Variants in CBR4 observed in about 807,000 individuals in gnomAD.
CBR4 encodes the protein carbonyl reductase 4, also known as 3-oxoacyl-[acyl-carrier-protein] reductase.
Under a neutral mutation model 21.0 loss-of-function variants are expected in CBR4, and 22 were observed. That is an observed-to-expected ratio of 1.05 (90% CI 0.75 to 1.50). The LOEUF (loss-of-function observed/expected upper bound fraction) is 1.50, where lower values mean the gene tolerates loss of function less well. CBR4 is among the 40% of genes most tolerant of loss of function. CBR4 has a pLI of 0.00. For missense variants in CBR4, 302 were observed against 286.3 expected (o/e 1.05, Z -0.40); for synonymous variants, 100 against 104.4 (o/e 0.96, Z 0.26).
At chr4:168,896,083 G>A (rs137857123) in intron 2 of CBR4, among the ~76,000 whole-genome samples, 276 of 152,078 alleles carry the variant, frequency 1.8e-3, no homozygotes, top group African/African-American at 5.7e-3. Context: ...GGTGGCGTGC[G>A]CCTGTAGTCC....
At chr4:168,912,468 T>C (rs1478232722) in intron 2 of CBR4, among the ~76,000 whole-genome samples, 1 of 152,152 alleles carries the variant, frequency 6.6e-6, no homozygotes. Flanking sequence ...AAAAAACAAA[T>C]TAAGAGAAAG....
At chr4:168,979,566 G>T (rs535898115) in intron 2 of CBR4, among the ~76,000 whole-genome samples, 1 of 152,070 alleles carries the variant, frequency 6.6e-6, no homozygotes, top group South Asian at 2.1e-4. Flanking sequence ...GGCTTCAGCG[G>T]TACGGCCCTA....
At position 168,975,591 on chromosome 4, in the gene CBR4, C is replaced by T. The variant is rs1228510284; in HGVS notation, n.169+26480G>A. Among the ~76,000 whole-genome samples, 8 of 152,092 alleles carry T rather than the reference C, an allele frequency of 5.3e-5. No homozygotes were observed. In the East Asian group the frequency reaches 1.5e-3, roughly 29 times the overall value. ...AGTAGAAGGGAGATATAATTTTGCC[C>T]TACTTTGGCCAGGATGAGTACTCAG... On this transcript the variant is annotated intron_variant and non_coding_transcript_variant, in intron 2 of 3. Coordinates refer to the CBR4 transcript ENST00000509108.
At chr4:168,987,198 G>A (rs1764719964), downstream of CBR4, among the ~76,000 whole-genome samples, 1 of 152,134 alleles carries the variant, frequency 6.6e-6, no homozygotes, top group South Asian at 2.1e-4. Context: ...GAAAATAGTC[G>A]ATTCACTTTG....
At chr4:168,945,814 G>A (rs1006469407) in intron 2 of CBR4, among the ~76,000 whole-genome samples, 1 of 152,112 alleles carries the variant, frequency 6.6e-6, no homozygotes, top group South Asian at 2.1e-4. Context: ...AGACAATTTT[G>A]TGTTTATTTT....
chr4:168,979,018 A>C, intron 2 of CBR4, among the ~76,000 whole-genome samples: 1 of 152,048 alleles, frequency 6.6e-6, no homozygotes, highest in East Asian at 1.9e-4. Context: ...AGGAGGGAGC[A>C]AAGAGGTTAG....
chr4:168,930,199 C>A (rs1762932499), intron 2 of CBR4, among the ~76,000 whole-genome samples: 1 of 151,986 alleles, frequency 6.6e-6, no homozygotes, highest in South Asian at 2.1e-4. Context: ...TTGATAATTA[C>A]TTAAAAATAA....
rs1764739744 is a variant in CBR4 at position 168,987,772 on chromosome 4, C to T, written c.*2378G>A. The T allele has an allele frequency of 3.2e-5, 32 of 984,636 alleles. No individual in the cohort carries two copies. The highest frequency in any genetic ancestry group is 4.7e-5 in the South Asian group (1 of 21,280). 61.0% of individuals were successfully genotyped at this position (984,636 alleles called of 1,614,324 possible). On this transcript the variant is annotated 3_prime_UTR_variant, in exon 5 of 5. Coordinates refer to ENST00000306193, the MANE Select transcript of CBR4 (RefSeq NM_032783.5). ...CTCTTTATTCTGAATAACAGAAGCA[C>T]GTAAATTAAATTATCCTCTTTGCAC...
At chr4:168,901,604 T>G (rs1164569804) in intron 2 of CBR4, among the ~76,000 whole-genome samples, 1 of 152,218 alleles carries the variant, frequency 6.6e-6, no homozygotes, top group African/African-American at 2.4e-5. Context: ...ACACCTGGAA[T>G]CCCAGCACTT....
At chr4:168,895,275 GGGAA>G (rs1754867352) in intron 2 of CBR4, among the ~76,000 whole-genome samples, 2 of 152,154 alleles carry the variant, frequency 1.3e-5, no homozygotes, top group Admixed American at 6.5e-5. Flanking sequence ...CCAGCTACTC[GGGAA>G]GCTGAGGCAG....
chr4:168,932,659 A>C (rs1763002246), intron 2 of CBR4, among the ~76,000 whole-genome samples: 1 of 152,196 alleles, frequency 6.6e-6, no homozygotes, highest in Non-Finnish European at 1.5e-5. Context: ...AAATACAAAG[A>C]AAGAATTCTA....
At chr4:168,933,268 C>T (rs140087112) in intron 2 of CBR4, among the ~76,000 whole-genome samples, 2 of 152,040 alleles carry the variant, frequency 1.3e-5, no homozygotes, top group Admixed American at 6.6e-5. Flanking sequence ...CAAATAAAAA[C>T]TCACCTCACC....
chr4:168,914,232 C>T (rs776027894), intron 2 of CBR4, among the ~76,000 whole-genome samples: 4 of 152,100 alleles, frequency 2.6e-5, no homozygotes, highest in African/African-American at 9.7e-5. Flanking sequence ...GTGTGCTAAG[C>T]CCATTCACAT....
intron 2 of CBR4, among the ~76,000 whole-genome samples, chr4:168,910,404 T>G (rs1341218987): frequency 6.6e-6 from 1 of 152,094 alleles, no homozygotes; most frequent in Non-Finnish European, 1.5e-5. Flanking sequence ...TTAAAAAGGT[T>G]AATCTGCTTC....
chr4:168,939,054 T>C (rs1044966427), intron 2 of CBR4, among the ~76,000 whole-genome samples: 11 of 152,096 alleles, frequency 7.2e-5, no homozygotes, highest in African/African-American at 2.4e-4. Flanking sequence ...CTCAATAAAA[T>C]ACTGGCAGAC....
At chr4:168,935,000 G>A (rs1429006480) in intron 2 of CBR4, among the ~76,000 whole-genome samples, 1 of 152,192 alleles carries the variant, frequency 6.6e-6, no homozygotes, top group Non-Finnish European at 1.5e-5. Flanking sequence ...GGCCAAATGG[G>A]AACAGCTCCG....
At chr4:168,914,565 T>C (rs1759709326) in intron 2 of CBR4, among the ~76,000 whole-genome samples, 1 of 152,178 alleles carries the variant, frequency 6.6e-6, no homozygotes, top group Admixed American at 6.5e-5. Context: ...CCATTCCTAG[T>C]AGTTCTGAGT....
intron 2 of CBR4, among the ~76,000 whole-genome samples, chr4:168,937,538 C>T (rs1763146354): frequency 6.6e-6 from 1 of 151,842 alleles, no homozygotes; most frequent in East Asian, 1.9e-4. Flanking sequence ...AGAATCAAGA[C>T]CCATCGGTGT....
intron 2 of CBR4, among the ~76,000 whole-genome samples, chr4:168,916,491 A>ACTTTAAATCT (rs11280960): frequency 0.53 from 80,186 of 151,396 alleles, 24,749 homozygotes; most frequent in East Asian, 0.88. Flanking sequence ...ATGATTCTTT[A>ACTTTAAATCT]AATCTAAATT....
Sources: allele counts gnomAD v4.1 joint callset (sites outside exome capture counted in the v4.1 genomes callset), GRCh38; gene constraint gnomAD v4.1.1; transcripts MANE v1.5; gene names NCBI Gene and HGNC (gene_info 2026-07-23, HGNC 2026-07-21).